B3GNT4: variants seen among roughly 807,000 people sequenced by gnomAD.
The protein encoded by B3GNT4 is UDP-GlcNAc:betaGal beta-1,3-N-acetylglucosaminyltransferase 4, also known as N-acetyllactosaminide beta-1,3-N-acetylglucosaminyltransferase 4.
A neutral mutation model predicts 2.7 loss-of-function variants in B3GNT4; 2 were observed. That is an observed-to-expected ratio of 0.73 (90% confidence interval 0.30 to 2.31). B3GNT4 has a LOEUF of 2.31. B3GNT4 is among the 30% of genes most tolerant of loss of function. The probability of loss-of-function intolerance (pLI) is 0.12; values close to 1 mark genes in which losing one functional copy is unlikely to be tolerated. For synonymous variants in B3GNT4, 280 were observed against 203.4 expected, an observed-to-expected ratio of 1.38 and a Z score of -3.20; for missense variants, 708 against 490.9, an observed-to-expected ratio of 1.44 and a Z score of -4.18.
In B3GNT4 at chr12:122,206,736, C is replaced by T; in HGVS notation, c.485C>T (p.Ala162Val). The change falls in exon 3 of 3, where the codon GCA becomes GTA. Residue 162 changes from alanine (A) to valine (V), a missense_variant. Transcript: ENST00000324189. ...QLKLVFLLGV[A>V]GSAPPAQLLA... ...AAGCTGGTGTTCCTCCTAGGGGTGG[C>T]AGGATCCGCTCCCCCAGCCCAGCTG... 1.9e-6 allele frequency: 3 copies of T among 1,606,766 alleles called. No individual in the cohort carries two copies. In the South Asian group the frequency reaches 3.3e-5, roughly 18 times the overall value.
Position 122,208,093 on chromosome 12 carries a change from T to C in B3GNT4, c.*705T>C, listed in dbSNP as rs1315207272. On this transcript the variant is annotated 3_prime_UTR_variant, in exon 3 of 3. Coordinates refer to ENST00000324189, the MANE Select transcript of B3GNT4 (RefSeq NM_030765.4). Reference sequence around the variant, plus strand: ...AAAGGACTCCTCTCTCTGACCCAGGTAGGCAAAATGCTTTGGGTGTGAGGT... The same window carrying C: ...AAAGGACTCCTCTCTCTGACCCAGGCAGGCAAAATGCTTTGGGTGTGAGGT... The C allele has an allele frequency of 3.2e-6, 2 of 627,204 alleles. No homozygotes were observed. The highest frequency in any genetic ancestry group is 1.8e-5 in the African/African-American group (1 of 55,528). The allele number at this position is 627,204 out of a possible 1,614,324, so 38.9% of individuals were successfully genotyped here. A position where few individuals can be genotyped will look rare whatever the true frequency, so the allele number is the denominator to read the frequency against.
Position 122,207,327 on chromosome 12 carries a change from T to C in B3GNT4, c.1076T>C (p.Met359Thr), listed in dbSNP as rs762868818. ...CTCAGCCCCCTCGAGATGTGGACCA[T>C]GTGGGCACTGGTGACAGATGAGGGG... Reference protein sequence around the residue: ...HRLSPLEMWTMWALVTDEGLK... With the variant: ...HRLSPLEMWTTWALVTDEGLK... The change falls in exon 3 of 3, where the codon ATG becomes ACG. Residue 359 changes from methionine to threonine, a missense_variant. Coordinates refer to ENST00000324189, the MANE Select transcript of B3GNT4 (RefSeq NM_030765.4). The C allele has an allele frequency of 3.7e-6, 6 of 1,609,652 alleles. No individual in the cohort carries two copies. Among genetic ancestry groups the C allele is most frequent in the Non-Finnish European group, 4.2e-6 (5 of 1,177,450 alleles).
At chr12:122,205,389 C>G (rs943809163) in intron 2 of B3GNT4, 7 of 152,456 alleles carry the variant, frequency 4.6e-5, no homozygotes, top group African/African-American at 1.7e-4. Context: ...GCATCCCTAG[C>G]ACCTAGCAGT....
At position 122,207,315 on chromosome 12, in the gene B3GNT4, A is replaced by G. The variant is rs1166607540; in HGVS notation, c.1064A>G (p.Glu355Gly). ...LLLVHRLSPL[E>G]MWTMWALVTD... ...CTGGTTCACCGCCTCAGCCCCCTCG[A>G]GATGTGGACCATGTGGGCACTGGTG... Residue 355 changes from glutamate to glycine, a missense_variant, in exon 3 of 3, where the codon GAG (glutamate) becomes GGG (glycine). By Grantham distance (98) the Glu-to-Gly change is moderately conservative (BLOSUM62 -2). Transcript: ENST00000324189. 1 of 1,611,780 alleles carries G rather than the reference A, an allele frequency of 6.2e-7. No homozygotes were observed. Among genetic ancestry groups the G allele is most frequent in the African/African-American group, 1.3e-5 (1 of 74,858 alleles).
In B3GNT4 at chr12:122,208,258, T is replaced by C. The variant is rs754557614; in HGVS notation, c.*870T>C. 31 of 1,172,506 alleles carry C rather than the reference T, an allele frequency of 2.6e-5. No individual in the cohort carries two copies. In the African/African-American group the frequency reaches 4.6e-4, roughly 17 times the overall value. 72.6% of individuals were successfully genotyped at this position (1,172,506 alleles called of 1,614,324 possible). On this transcript the variant is annotated 3_prime_UTR_variant, in exon 3 of 3. Coordinates refer to ENST00000324189, the MANE Select transcript of B3GNT4 (RefSeq NM_030765.4). ...CAGCTCACAAAGGCGTCTCGCCTGA[T>C]TGGCCAGGGCAGGATCTGCCGCCTC...
Position 122,208,166 on chromosome 12 carries a change from A to G in B3GNT4, c.*778A>G. 2 of 703,110 alleles carry G rather than the reference A, an allele frequency of 2.8e-6. No homozygotes were observed. The highest frequency in any genetic ancestry group is 3.0e-5 in the South Asian group (2 of 66,820). 43.6% of individuals were successfully genotyped at this position (703,110 alleles called of 1,614,324 possible). Reference sequence around the variant, plus strand: ...TGTACAGAGTGGGGTGAAATGTTAAACAGGGTGCAGTGCCCAAGGGCTAAG... The same window carrying G: ...TGTACAGAGTGGGGTGAAATGTTAAGCAGGGTGCAGTGCCCAAGGGCTAAG... On this transcript the variant is annotated 3_prime_UTR_variant, in exon 3 of 3. Transcript: ENST00000324189.
At position 122,206,786 on chromosome 12, in the gene B3GNT4, G is replaced by T; in HGVS notation, c.535G>T (p.Asp179Tyr). 6.2e-7 allele frequency: 1 copy of T among 1,608,582 alleles called. No homozygotes were observed. ...GCTGGCCTATGAGAGTAGGGAGTTT[G>T]ATGACATCCTCCAGTGGGACTTCAC... ...QLLAYESREF[D>Y]DILQWDFTED... is the part of the protein sequence containing the mutation. Residue 179 changes from aspartate to tyrosine, a missense_variant, in exon 3 of 3, where the codon GAT becomes TAT. Coordinates refer to ENST00000324189, the MANE Select transcript of B3GNT4 (RefSeq NM_030765.4).
Position 122,208,391 on chromosome 12 carries a change from C to T in B3GNT4, c.*1003C>T, listed in dbSNP as rs551079634. 86 of 1,612,434 alleles carry T rather than the reference C, an allele frequency of 5.3e-5. 1 individual carries two copies. In the South Asian group the frequency reaches 6.4e-4, roughly 12 times the overall value. ...AGTGTGCTCAGGCCCTCAATCCTCACGCAGGTAGGCCTCCTGCTCCGACTC... is the reference window on the plus strand; with the variant it reads ...AGTGTGCTCAGGCCCTCAATCCTCATGCAGGTAGGCCTCCTGCTCCGACTC... On this transcript the variant is annotated 3_prime_UTR_variant, in exon 3 of 3. Transcript: ENST00000324189.
chr12:122,207,520 T>TA lies in B3GNT4; in HGVS notation c.*137dup. On this transcript the variant is annotated 3_prime_UTR_variant, in exon 3 of 3. Transcript: ENST00000324189. Reference sequence around the variant, plus strand: ...CTCCTCTCACCCTGTTAGCTCTGATTAAAAACACTGCAACCCAGCTAACTT... The same window carrying TA: ...CTCCTCTCACCCTGTTAGCTCTGATTAAAAAACACTGCAACCCAGCTAACTT... 2 of 845,974 alleles carry TA rather than the reference T, an allele frequency of 2.4e-6. No homozygotes were observed. The highest frequency in any genetic ancestry group is 3.6e-6 in the Non-Finnish European group (2 of 561,302). The allele number at this position is 845,974 out of a possible 1,614,324, so 52.4% of individuals were successfully genotyped here. A position where few individuals can be genotyped will look rare whatever the true frequency, so the allele number is the denominator to read the frequency against.
In B3GNT4 at chr12:122,207,382, G is replaced by A. The variant is rs779300920; in HGVS notation, c.1131G>A (p.Gln377=). 5 of 1,546,314 alleles carry A rather than the reference G, an allele frequency of 3.2e-6. No homozygotes were observed. The highest frequency in any genetic ancestry group is 4.4e-6 in the Non-Finnish European group (5 of 1,148,054). ...GLKCAAGPIP[Q]R ...AGTGTGCAGCTGGCCCCATACCCCA[G>A]CGCTGAAGGGTGGGTTGGGCAACAG... Residue 377 remains glutamine (Q), a synonymous_variant, in exon 3 of 3, where the codon CAG becomes CAA. Transcript: ENST00000324189.
chr12:122,206,854 G>C lies in B3GNT4; in HGVS notation c.603G>C (p.Gln201His), dbSNP rs748471148. 4 of 1,613,884 alleles carry C rather than the reference G, an allele frequency of 2.5e-6. No homozygotes were observed. The East Asian group carries it at 8.9e-5, about 36-fold the overall frequency. ...FNLTLKELHL[Q>H]RWVVAACPQA... The stretch of plus-strand genomic sequence containing the variant: ...TGACGCTCAAGGAGCTGCACCTGCA[G>C]CGCTGGGTGGTGGCTGCCTGCCCCC... The change falls in exon 3 of 3, where the codon CAG becomes CAC. Residue 201 changes from glutamine (Q) to histidine (H), a missense_variant. Transcript: ENST00000324189.
In B3GNT4 at chr12:122,206,447, T is replaced by G. The variant is rs746577291; in HGVS notation, c.196T>G (p.Trp66Gly). 2.5e-6 allele frequency: 4 copies of G among 1,614,138 alleles called. No homozygotes were observed. In the South Asian group the frequency reaches 4.4e-5, roughly 18 times the overall value. Residue 66 changes from tryptophan to glycine, a missense_variant, in exon 3 of 3, where the codon TGG becomes GGG. By Grantham distance (184) the Trp-to-Gly change is radical (BLOSUM62 -2). Transcript: ENST00000324189. ...AGACCCCACGGCCCACCAGCCTTTC[T>G]GGGCTCCCCCAACACCCCGTCACAG... ...AGDPTAHQPF[W>G]APPTPRHSRC...
intron 2 of B3GNT4, chr12:122,205,954 C>T (rs1479498879): frequency 8.3e-6 from 2 of 241,152 alleles, no homozygotes; most frequent in Non-Finnish European, 1.6e-5. Flanking sequence ...CAGTTCCACA[C>T]TTAGTGAATT....
intron 1 of B3GNT4, 118 bp downstream of exon 1, chr12:122,203,919 G>A (rs1229006505): frequency 6.6e-6 from 1 of 152,046 alleles, no homozygotes; most frequent in East Asian, 1.9e-4. Context: ...GTCCCCCAGG[G>A]TCCCCGCGAG....
intron 2 of B3GNT4, 35 bp from the exon 3 acceptor site, chr12:122,206,280 CGGG>C: frequency 6.7e-7 from 1 of 1,491,296 alleles, no homozygotes; most frequent in Non-Finnish European, 8.9e-7. Flanking sequence ...GACAGGGACC[CGGG>C]GCTGGGCCCT....
chr12:122,203,802 G>A lies in B3GNT4; in HGVS notation c.-98+1G>A, dbSNP rs1442025618. Reference sequence around the variant, plus strand: ...GCCCGTACCCCGGCGTCACGCTCAGGTAGGTTGGGGGCCGGGACGCCGCTG... The same window carrying A: ...GCCCGTACCCCGGCGTCACGCTCAGATAGGTTGGGGGCCGGGACGCCGCTG... On this transcript the variant is annotated splice_donor_variant, in intron 1 of 2. Coordinates refer to ENST00000324189, the MANE Select transcript of B3GNT4 (RefSeq NM_030765.4). LOFTEE classifies it low-confidence loss of function (5UTR_SPLICE). 2 of 176,654 alleles carry A rather than the reference G, an allele frequency of 1.1e-5. No homozygotes were observed. The highest frequency in any genetic ancestry group is 2.4e-5 in the Non-Finnish European group (2 of 84,240). The allele number at this position is 176,654 out of a possible 1,614,324, so 10.9% of individuals were successfully genotyped here. A position where few individuals can be genotyped will look rare whatever the true frequency, so the allele number is the denominator to read the frequency against.
At chr12:122,204,853 A>G in intron 2 of B3GNT4, 169 bp downstream of exon 2, 1 of 605,636 alleles carries the variant, frequency 1.7e-6, no homozygotes, top group Non-Finnish European at 2.9e-6. Flanking sequence ...CAGCCCAGGC[A>G]ACAAAAGATA....
In B3GNT4 at chr12:122,207,128, G is replaced by C. The variant is rs769603688; in HGVS notation, c.877G>C (p.Ala293Pro). ...MSRATVRRLQ[A>P]IMEDAELFPI... Reference sequence around the variant, plus strand: ...CAGAGCCACAGTGCGGCGCCTCCAGGCTATCATGGAAGATGCTGAACTCTT... The same window carrying C: ...CAGAGCCACAGTGCGGCGCCTCCAGCCTATCATGGAAGATGCTGAACTCTT... Residue 293 changes from alanine (A) to proline (P), a missense_variant, in exon 3 of 3, where the codon GCT (alanine) becomes CCT (proline). By Grantham distance (27) the Ala-to-Pro change is conservative (BLOSUM62 -1). Coordinates refer to ENST00000324189, the MANE Select transcript of B3GNT4 (RefSeq NM_030765.4). 2 of 1,614,144 alleles carry C rather than the reference G, an allele frequency of 1.2e-6. No homozygotes were observed. Among genetic ancestry groups the C allele is most frequent in the South Asian group, 1.1e-5 (1 of 91,070 alleles).
Position 122,206,962 on chromosome 12 carries a change from A to C in B3GNT4, c.711A>C (p.Pro237=). The change falls in exon 3 of 3, where the codon CCA becomes CCC. Residue 237 remains proline (P), a synonymous_variant. Coordinates refer to ENST00000324189, the MANE Select transcript of B3GNT4 (RefSeq NM_030765.4). The part of the protein sequence containing the change: ...NVLEFLDGWD[P]AQDLLVGDVI... The stretch of plus-strand genomic sequence containing the variant: ...TAGAGTTCCTGGATGGCTGGGACCC[A>C]GCCCAGGACCTCCTGGTGGGAGATG... 6.2e-7 allele frequency: 1 copy of C among 1,613,074 alleles called. No individual in the cohort carries two copies. The highest frequency in any genetic ancestry group is 1.7e-5 in the Admixed American group (1 of 60,010).
Sources: allele counts gnomAD v4.1 joint callset, GRCh38; gene constraint gnomAD v4.1.1; transcripts MANE v1.5; gene names NCBI Gene and HGNC (gene_info 2026-07-23, HGNC 2026-07-21).